Variants in TOP3B observed in about 807,000 individuals in gnomAD.
TOP3B encodes DNA topoisomerase 3-beta-1.
Under a neutral mutation model 93.9 loss-of-function variants are expected in TOP3B, and 45 were observed. The observed-to-expected ratio is 0.48, with a 90% CI of 0.38 to 0.61. The LOEUF (loss-of-function observed/expected upper bound fraction) is 0.61, where lower values mean the gene tolerates loss of function less well. TOP3B is among the 20% of genes least tolerant of loss of function. The pLI is 0.00. For missense variants in TOP3B, 750 were observed against 1,156.1 expected (o/e 0.65, Z 5.09); for synonymous variants, 357 against 472.6 (o/e 0.76, Z 3.17).
At chr22:21,978,850 A>T (rs2084551919) in intron 1 of TOP3B, among the ~76,000 whole-genome samples, 2 of 152,128 alleles carry the variant, frequency 1.3e-5, no homozygotes, top group African/African-American at 4.8e-5. Flanking sequence ...TTGTTTCAGG[A>T]TGGTGGCTGT....
intron 6 of TOP3B, 27 bp from the exon 7 acceptor site, chr22:21,968,802 T>A (rs779769185): frequency 6.2e-7 from 1 of 1,613,376 alleles, no homozygotes; most frequent in South Asian, 1.1e-5. Context: ...GATATTTTGG[T>A]CACTGATTCA....
At chr22:21,958,197 G>A (rs1166736343) in intron 17 of TOP3B, 9 of 1,298,130 alleles carry the variant, frequency 6.9e-6, no homozygotes, top group East Asian at 3.8e-5. Flanking sequence ...TGGGTCCCCC[G>A]ACTGCTGCAT....
intron 17 of TOP3B, chr22:21,957,881 G>T (rs1288817556): frequency 4.6e-6 from 7 of 1,509,846 alleles, no homozygotes; most frequent in Non-Finnish European, 6.2e-6. Flanking sequence ...GCTTGTTACT[G>T]GTAATGCCAC....
rs749420981 is a variant in TOP3B, at chr22:21,959,600, G to A, written c.1791C>T (p.Val597=). The A allele has an allele frequency of 1.9e-6, 3 of 1,611,612 alleles. No homozygotes were observed. Among genetic ancestry groups the A allele is most frequent in the South Asian group, 1.1e-5 (1 of 90,822 alleles). The change falls in exon 15 of 18, where the codon GTC becomes GTT. Residue 597 remains valine, a synonymous_variant. Coordinates refer to ENST00000357179, the MANE Select transcript of TOP3B (RefSeq NM_001282112.2). ...DVFKRKFHYF[V]DSIAGMDELM... is the part of the protein sequence containing the mutation. ...GGCAGACTCTACCAGCAATGGAGTC[G>A]ACAAAGTAGTGGAACTTCCTCTTGA...
chr22:21,959,469 G>T lies in TOP3B; in HGVS notation c.1804+118C>A. On this transcript the variant is annotated intron_variant, in intron 15 of 17. Coordinates refer to ENST00000357179, the MANE Select transcript of TOP3B (RefSeq NM_001282112.2). ...GGAGGTGTCACTGACCTGGCCTACG[G>T]AGGCCTGAAGCCCAGATCTGGGAGC... The T allele has an allele frequency of 2.0e-6, 3 of 1,513,260 alleles. No individual in the cohort carries two copies. The Admixed American group carries it at 6.5e-5, about 33-fold the overall frequency. 93.7% of individuals were successfully genotyped at this position (1,513,260 alleles called of 1,614,324 possible). A position where few individuals can be genotyped will look rare whatever the true frequency, so the allele number is the denominator to read the frequency against.
At chr22:21,981,578 C>T (rs1260460450) in intron 1 of TOP3B, among the ~76,000 whole-genome samples, 3 of 152,168 alleles carry the variant, frequency 2.0e-5, no homozygotes, top group African/African-American at 7.2e-5. Context: ...AGGTGGATCA[C>T]CCGAGGTCAG....
At position 21,970,063 on chromosome 22, in the gene TOP3B, C is replaced by T; in HGVS notation, c.581+147G>A. On this transcript the variant is annotated intron_variant, in intron 6 of 17. Transcript: ENST00000357179. This position sits in a 1 kb window ranked among gnomAD's most constrained non-coding sequence, Gnocchi z 4.4. ...GGGATTACAGGTGTTAGCCACTGTG[C>T]CTGGCCTTCTTCAGGGTTGGTGAAA... 1.2e-6 allele frequency: 1 copy of T among 817,262 alleles called. No homozygotes were observed. Among genetic ancestry groups the T allele is most frequent in the Non-Finnish European group, 1.9e-6 (1 of 525,992 alleles). The allele number at this position is 817,262 out of a possible 1,614,324, so 50.6% of individuals were successfully genotyped here.
chr22:21,959,979 A>G, intron 14 of TOP3B: 2 of 631,416 alleles, frequency 3.2e-6, no homozygotes, highest in Non-Finnish European at 5.4e-6. Context: ...TGTGGCTAGA[A>G]CCACATCACA....
Position 21,980,972 on chromosome 22 carries a change from A to T in TOP3B, c.-99+1758T>A, listed in dbSNP as rs146061581. On this transcript the variant is annotated intron_variant, in intron 1 of 17. Transcript: ENST00000357179. ...TTCTGGGGAAGTTTTGATTCTACCA[A>T]AATCAGAGGCCCAGAAGTGAGGTTT... Among the ~76,000 whole-genome samples the T allele has an allele frequency of 6.8e-3, 1,040 of 152,316 alleles. 30 individuals are homozygous for T. Among genetic ancestry groups the T allele is most frequent in the Admixed American group, 0.031 (482 of 15,306 alleles).
At chr22:21,981,727 C>T (rs1182387645) in intron 1 of TOP3B, among the ~76,000 whole-genome samples, 3 of 151,928 alleles carry the variant, frequency 2.0e-5, no homozygotes, top group Admixed American at 6.6e-5. Flanking sequence ...AACCCGGGGG[C>T]GGAGGTTGCA....
At position 21,975,788 on chromosome 22, in the gene TOP3B, A is replaced by G; in HGVS notation, c.-79T>C. The G allele has an allele frequency of 2.6e-6, 4 of 1,516,320 alleles. No homozygotes were observed. The highest frequency in any genetic ancestry group is 1.2e-5 in the South Asian group (1 of 80,030). 93.9% of individuals were successfully genotyped at this position (1,516,320 alleles called of 1,614,324 possible). The stretch of plus-strand genomic sequence containing the variant: ...AGACTCCACTCTTCCGCAGCACAGC[A>G]CTATTACCAATGCTGACTCCTAAAG... On this transcript the variant is annotated 5_prime_UTR_variant, in exon 2 of 18. Coordinates refer to ENST00000357179, the MANE Select transcript of TOP3B (RefSeq NM_001282112.2).
chr22:21,975,548 C>CA, intron 2 of TOP3B, 92 bp downstream of exon 2: 1 of 1,400,342 alleles, frequency 7.1e-7, no homozygotes. Flanking sequence ...ACCAAATCTA[C>CA]CCCAGCCAGG....
chr22:21,961,925 T>C (rs767909124), intron 13 of TOP3B: 11 of 267,660 alleles, frequency 4.1e-5, no homozygotes, highest in Non-Finnish European at 4.2e-5. Flanking sequence ...CACTTTTGCT[T>C]TGATAAACTC....
In TOP3B at chr22:21,963,806, C is replaced by G. The variant is rs368150404; in HGVS notation, c.1204+117G>C. 4.4e-4 allele frequency: 467 copies of G among 1,068,488 alleles called. 2 individuals carry two copies. The East Asian group carries it at 0.01, about 23-fold the overall frequency. 66.2% of individuals were successfully genotyped at this position (1,068,488 alleles called of 1,614,324 possible). On this transcript the variant is annotated intron_variant, in intron 11 of 17. Transcript: ENST00000357179. This position sits in a 1 kb window ranked among gnomAD's most constrained non-coding sequence, Gnocchi z 4.8. Reference sequence around the variant, plus strand: ...TCCAGGTGGCCCCCCATCCCCACAGCCAGGGCAGGCAGAGGCTGAAGGAGC... The same window carrying G: ...TCCAGGTGGCCCCCCATCCCCACAGGCAGGGCAGGCAGAGGCTGAAGGAGC...
intron 13 of TOP3B, chr22:21,960,802 C>A: frequency 3.7e-6 from 1 of 267,340 alleles, no homozygotes; most frequent in Non-Finnish European, 7.5e-6. Flanking sequence ...TCCTGTGGCA[C>A]CCACCTGCTC....
intron 6 of TOP3B, 192 bp from the exon 7 acceptor site, chr22:21,968,967 G>A: frequency 1.7e-6 from 1 of 588,470 alleles, no homozygotes; most frequent in Non-Finnish European, 3.0e-6. Flanking sequence ...ATGGGTGACA[G>A]AGCCAGTGAG....
At position 21,959,662 on chromosome 22, in the gene TOP3B, C is replaced by T. The variant is rs201487411; in HGVS notation, c.1729G>A (p.Asp577Asn). Reference sequence around the variant, plus strand: ...GTGTGGCCCAGGACCTGGCGGTAGTCGGCCTTGCCCTGGGCGATCAGGTTC... The same window carrying T: ...GTGTGGCCCAGGACCTGGCGGTAGTTGGCCTTGCCCTGGGCGATCAGGTTC... ...QLNLIAQGKADYRQVLGHTLD... is the reference protein window; with the variant it reads ...QLNLIAQGKANYRQVLGHTLD... Residue 577 changes from aspartate to asparagine, a missense_variant, in exon 15 of 18, where the codon GAC becomes AAC. Asp to Asn is a conservative substitution (Grantham distance 23). Transcript: ENST00000357179. 3.4e-5 allele frequency: 55 copies of T among 1,613,646 alleles called. No individual in the cohort carries two copies. Among genetic ancestry groups the T allele is most frequent in the Non-Finnish European group, 4.1e-5 (48 of 1,179,940 alleles).
intron 1 of TOP3B, among the ~76,000 whole-genome samples, chr22:21,979,174 C>T (rs138904192): frequency 1.7e-4 from 26 of 151,510 alleles, no homozygotes; most frequent in African/African-American, 6.1e-4. Flanking sequence ...GGTCAGGGTT[C>T]GAGGGGAGAG....
At chr22:21,973,721 G>C (rs1177051261) in intron 3 of TOP3B, 1 of 152,116 alleles carries the variant, frequency 6.6e-6, no homozygotes, top group African/African-American at 2.4e-5. Flanking sequence ...GCTGTGTGTC[G>C]GGCCCTGTGC....
Sources: allele counts gnomAD v4.1 joint callset (sites outside exome capture counted in the v4.1 genomes callset), GRCh38; gene constraint gnomAD v4.1.1; non-coding constraint Gnocchi (gnomAD v3.1); transcripts MANE v1.5; gene names NCBI Gene and HGNC (gene_info 2026-07-23, HGNC 2026-07-21).